Variants in LTBP2 observed in about 807,000 individuals in gnomAD.
LTBP2 encodes latent transforming growth factor beta binding protein 2.
LTBP2 carries 103 observed loss-of-function variants against 210.6 expected under a neutral mutation model. That is an observed-to-expected ratio of 0.49 (90% confidence interval 0.42 to 0.58). LTBP2 has a LOEUF of 0.58. Among genes scored for constraint, LTBP2 ranks in the 20% least tolerant of loss-of-function variants. LTBP2 has a pLI of 0.00. For missense variants in LTBP2, 2,313 were observed against 2,494.5 expected (o/e 0.93, Z 1.55); for synonymous variants, 1,007 against 1,015.0 (o/e 0.99, Z 0.15).
rs1179354352 is a variant in LTBP2, at chr14:74,535,909, G to A, written c.1864+17C>T. 1.9e-6 allele frequency: 3 copies of A among 1,612,090 alleles called. No individual in the cohort carries two copies. The Admixed American group carries it at 5.0e-5, about 27-fold the overall frequency. On this transcript the variant is annotated intron_variant, in intron 9 of 35. Transcript: ENST00000261978. Reference sequence around the variant, plus strand: ...CCCCGGCATCCTTGAGCCCAGCCCTGGCCCTGGGGGTCCTACCTTGGCAGT... The same window carrying A: ...CCCCGGCATCCTTGAGCCCAGCCCTAGCCCTGGGGGTCCTACCTTGGCAGT...
chr14:74,501,335 G>A (rs1030616244), intron 35 of LTBP2, 106 bp downstream of exon 35: 3 of 1,524,680 alleles, frequency 2.0e-6, no homozygotes, highest in South Asian at 1.1e-5. Flanking sequence ...GCCTGATGCA[G>A]ACAGCCCCAC....
Position 74,498,382 on chromosome 14 carries a change from A to G in LTBP2, c.*2502T>C, listed in dbSNP as rs2086873960. 2.0e-5 allele frequency: 4 copies of G among 197,126 alleles called. No homozygotes were observed. In the East Asian group the frequency reaches 3.2e-4, roughly 16 times the overall value. 12.2% of individuals were successfully genotyped at this position (197,126 alleles called of 1,614,324 possible). A position where few individuals can be genotyped will look rare whatever the true frequency, so the allele number is the denominator to read the frequency against. On this transcript the variant is annotated 3_prime_UTR_variant, in exon 36 of 36. Transcript: ENST00000261978. ...AAATTAATGTGAAATATGCACAAGA[A>G]TATTCATTACAGCATTATTTATAGC...
intron 2 of LTBP2, among the ~76,000 whole-genome samples, chr14:74,603,337 G>C (rs1283144209): frequency 6.6e-6 from 1 of 152,100 alleles, no homozygotes; most frequent in Non-Finnish European, 1.5e-5. Context: ...ATCTTGACCA[G>C]GCTGGTCTCC....
intron 8 of LTBP2, among the ~76,000 whole-genome samples, chr14:74,548,633 G>C (rs967306776): frequency 6.6e-6 from 1 of 152,230 alleles, no homozygotes; most frequent in Non-Finnish European, 1.5e-5. Context: ...TGGGCAGTTT[G>C]ATGCACATCT....
At chr14:74,572,649 A>C (rs968175437) in intron 3 of LTBP2, among the ~76,000 whole-genome samples, 1 of 152,084 alleles carries the variant, frequency 6.6e-6, no homozygotes, top group African/African-American at 2.4e-5. Flanking sequence ...ATATTTGAAA[A>C]ACTTGAGCTC....
chr14:74,549,673 C>G (rs1214989761), intron 8 of LTBP2, among the ~76,000 whole-genome samples, 190 bp downstream of exon 8: 1 of 152,232 alleles, frequency 6.6e-6, no homozygotes, highest in Non-Finnish European at 1.5e-5. Flanking sequence ...ACAGACTGCA[C>G]CAGCAGAGGG....
rs546871617 is a variant in LTBP2, at chr14:74,551,704, A to G, written c.1400-354T>C. 8.6e-5 allele frequency among the ~76,000 whole-genome samples: 13 copies of G among 151,808 alleles called. No individual in the cohort carries two copies. In the South Asian group the frequency reaches 2.7e-3, roughly 32 times the overall value. ...CAGTCCCTCTGCTTAACCAGATGCT[A>G]CCCATTGTTTCAGGCCTAACTGCAG... is the stretch of plus-strand genomic sequence containing the variant. On this transcript the variant is annotated intron_variant, in intron 6 of 35. Transcript: ENST00000261978.
At chr14:74,591,546 G>A (rs566183357) in intron 2 of LTBP2, among the ~76,000 whole-genome samples, 1 of 152,332 alleles carries the variant, frequency 6.6e-6, no homozygotes, top group South Asian at 2.1e-4. Context: ...TGGAGGTTTA[G>A]AACCAGCTCT....
In LTBP2 at chr14:74,535,257, G is replaced by A. The variant is rs150768814; in HGVS notation, c.1864+669C>T. 9.0e-3 allele frequency among the ~76,000 whole-genome samples: 1,376 copies of A among 152,180 alleles called. 24 individuals carry two copies. Among genetic ancestry groups the A allele is most frequent in the African/African-American group, 0.031 (1,307 of 41,516 alleles). On this transcript the variant is annotated intron_variant, in intron 9 of 35. Coordinates refer to ENST00000261978, the MANE Select transcript of LTBP2 (RefSeq NM_000428.3). ...CTCCTCTCTCTGAAGCAACCTCCAG[G>A]AGGAGGGCACCTTGGAGGCCATCTG...
intron 2 of LTBP2, among the ~76,000 whole-genome samples, chr14:74,597,241 T>C (rs2088379150): frequency 6.6e-6 from 1 of 152,206 alleles, no homozygotes; most frequent in African/African-American, 2.4e-5. Context: ...TAGTATTGCA[T>C]GTCAATTGTC....
intron 30 of LTBP2, among the ~76,000 whole-genome samples, chr14:74,504,421 A>C (rs924920360): frequency 6.6e-5 from 10 of 152,202 alleles, no homozygotes; most frequent in African/African-American, 2.2e-4. Flanking sequence ...TTCTGGCCTC[A>C]TCAGTGCGGC....
Position 74,522,880 on chromosome 14 carries a change from C to T in LTBP2, c.2569G>A (p.Gly857Ser), listed in dbSNP as rs762949533. Residue 857 changes from glycine (G) to serine (S), a missense_variant, in exon 16 of 36, where the codon GGC (glycine) becomes AGC (serine). Coordinates refer to ENST00000261978, the MANE Select transcript of LTBP2 (RefSeq NM_000428.3). ...GGGAGGTTCACGCAGGTTCCAGGGC[C>T]ACAGACGTTGGTGGCTCCAGCAGCG... Reference protein sequence around the residue: ...RCAAGATNVCGPGTCVNLPDG... With the variant: ...RCAAGATNVCSPGTCVNLPDG... The T allele has an allele frequency of 1.2e-6, 2 of 1,612,632 alleles. No individual in the cohort carries two copies. The highest frequency in any genetic ancestry group is 1.7e-6 in the Non-Finnish European group (2 of 1,179,654).
Position 74,552,236 on chromosome 14 carries a change from T to C in LTBP2, c.1350A>G (p.Glu450=). 1 of 1,610,826 alleles carries C rather than the reference T, an allele frequency of 6.2e-7. No individual in the cohort carries two copies. The highest frequency in any genetic ancestry group is 1.3e-5 in the African/African-American group (1 of 74,888). ...GRGSRPRALL[E]APLKQSTFTL... Reference sequence around the variant, plus strand: ...TGAAAGTGGACTGCTTCAGTGGGGCTTCCAGCAAGGCCCTGGGGCGGGACC... The same window carrying C: ...TGAAAGTGGACTGCTTCAGTGGGGCCTCCAGCAAGGCCCTGGGGCGGGACC... Residue 450 remains glutamate (E), a synonymous_variant, in exon 6 of 36, where the codon GAA becomes GAG. Coordinates refer to ENST00000261978, the MANE Select transcript of LTBP2 (RefSeq NM_000428.3).
At chr14:74,532,806 A>G (rs1031855641) in intron 9 of LTBP2, among the ~76,000 whole-genome samples, 3 of 152,158 alleles carry the variant, frequency 2.0e-5, no homozygotes, top group Non-Finnish European at 4.4e-5. Flanking sequence ...GGCATGTAAC[A>G]ATGATCATAA....
At chr14:74,603,943 A>C (rs902909944) in intron 1 of LTBP2, among the ~76,000 whole-genome samples, 2 of 152,142 alleles carry the variant, frequency 1.3e-5, no homozygotes, top group Non-Finnish European at 2.9e-5. Context: ...TAGCTGCTTA[A>C]TTGAGTTGTT....
intron 3 of LTBP2, among the ~76,000 whole-genome samples, chr14:74,564,139 ATATATATATATTTATATATATATT>A (rs2087845775): frequency 1.1e-4 from 1 of 9,240 alleles, no homozygotes; most frequent in Non-Finnish European, 1.9e-4. Flanking sequence ...ATATATATTT[ATATATATATATTTATATATATATT>A]TATATATATA....
intron 21 of LTBP2, 134 bp from the exon 22 acceptor site, chr14:74,509,497 A>G (rs2139696263): frequency 7.5e-7 from 1 of 1,342,126 alleles, no homozygotes; most frequent in Non-Finnish European, 1.0e-6. Flanking sequence ...CGCTCCCAGG[A>G]CAGCCCTGCC....
chr14:74,578,798 C>T (rs1259131170), intron 3 of LTBP2, among the ~76,000 whole-genome samples: 1 of 152,240 alleles, frequency 6.6e-6, no homozygotes, highest in Non-Finnish European at 1.5e-5. Flanking sequence ...AGCTGCCACA[C>T]TGAGGTCCCC....
intron 26 of LTBP2, 53 bp from the exon 27 acceptor site, chr14:74,506,876 TGTGCGC>T (rs1264548905): frequency 2.2e-6 from 3 of 1,334,664 alleles, no homozygotes; most frequent in South Asian, 1.3e-5. Context: ...TGTGTGTGTG[TGTGCGC>T]GCGCGCGTGT....
Sources: gnomAD v4.1 joint callset for allele counts (sites outside exome capture counted in the v4.1 genomes callset) on GRCh38, gnomAD v4.1.1 for gene constraint, MANE v1.5 for transcripts, NCBI Gene and HGNC (gene_info 2026-07-23, HGNC 2026-07-21) for gene names.